RAD51B: variants seen among roughly 807,000 people sequenced by gnomAD.
The protein encoded by RAD51B is RAD51 paralog B.
A neutral mutation model predicts 42.2 loss-of-function variants in RAD51B; 38 were observed. The ratio of observed to expected loss-of-function variants is 0.90; its 90% CI spans 0.70 to 1.18. RAD51B has a LOEUF of 1.18. RAD51B is among the 50% of genes most tolerant of loss of function. RAD51B has a pLI of 0.00. For missense variants in RAD51B, 373 were observed against 400.7 expected, an observed-to-expected ratio of 0.93 and a Z score of 0.59; for synonymous variants, 154 against 145.2, an observed-to-expected ratio of 1.06 and a Z score of -0.43.
At chr14:68,248,520 T>A (rs751097673) in intron 7 of RAD51B, among the ~76,000 whole-genome samples, 3 of 152,168 alleles carry the variant, frequency 2.0e-5, no homozygotes, top group Non-Finnish European at 4.4e-5. Context: ...CTACTTTTAC[T>A]CTTCTAACAT....
chr14:67,921,620 C>CAA (rs1201431944), intron 7 of RAD51B, among the ~76,000 whole-genome samples: 3 of 128,664 alleles, frequency 2.3e-5, no homozygotes, highest in African/African-American at 8.6e-5. Context: ...CACACACACA[C>CAA]ACATTTTGTG....
downstream of RAD51B, among the ~76,000 whole-genome samples, chr14:68,598,620 C>T (rs1253350120): frequency 6.6e-6 from 1 of 152,146 alleles, no homozygotes; most frequent in Non-Finnish European, 1.5e-5. Flanking sequence ...TCTGAGTCCA[C>T]GGGCCCCTTC....
intron 7 of RAD51B, among the ~76,000 whole-genome samples, chr14:67,983,023 T>C (rs547180966): frequency 6.6e-4 from 101 of 152,244 alleles, no homozygotes; most frequent in Non-Finnish European, 1.2e-3. Context: ...TACCACATCA[T>C]TGCACTCTAG....
chr14:68,060,195 A>G (rs2076545772), intron 7 of RAD51B, among the ~76,000 whole-genome samples: 1 of 152,234 alleles, frequency 6.6e-6, no homozygotes, highest in Non-Finnish European at 1.5e-5. Context: ...TATAAAGCAT[A>G]TGCCAGATTA....
intron 7 of RAD51B, among the ~76,000 whole-genome samples, chr14:68,195,990 G>A (rs1461073915): frequency 4.0e-5 from 6 of 151,236 alleles, no homozygotes; most frequent in African/African-American, 1.5e-4. Flanking sequence ...TGGATCACGA[G>A]GTCAGGAGTT....
intron 7 of RAD51B, among the ~76,000 whole-genome samples, chr14:67,970,489 C>T (rs192950714): frequency 4.6e-3 from 702 of 151,144 alleles, no homozygotes; most frequent in Middle Eastern, 6.8e-3. Context: ...GTGGTCTTAC[C>T]TTTTAGTTGT....
chr14:68,071,927 A>G (rs1019792409), intron 7 of RAD51B, among the ~76,000 whole-genome samples: 8 of 150,218 alleles, frequency 5.3e-5, no homozygotes, highest in Admixed American at 2.0e-4. Context: ...TACCGATTCA[A>G]TTTTGGAACT....
At chr14:68,065,467 G>A (rs554812634) in intron 7 of RAD51B, among the ~76,000 whole-genome samples, 1 of 152,282 alleles carries the variant, frequency 6.6e-6, no homozygotes, top group South Asian at 2.1e-4. Context: ...CTTGGCTTGG[G>A]CACTGCTTCC....
intron 8 of RAD51B, among the ~76,000 whole-genome samples, chr14:68,320,578 C>A (rs1427031370): frequency 6.6e-6 from 1 of 152,254 alleles, no homozygotes; most frequent in Non-Finnish European, 1.5e-5. Flanking sequence ...TTGCCCCTCT[C>A]TTCCTCCTCC....
chr14:68,515,729 G>A (rs1399130672), intron 10 of RAD51B, among the ~76,000 whole-genome samples: 1 of 149,818 alleles, frequency 6.7e-6, no homozygotes, highest in Non-Finnish European at 1.5e-5. Flanking sequence ...TTACAGGTAT[G>A]AGCCACCCAG....
intron 7 of RAD51B, among the ~76,000 whole-genome samples, chr14:68,048,335 A>G (rs1457992819): frequency 6.6e-6 from 1 of 152,044 alleles, no homozygotes; most frequent in African/African-American, 2.4e-5. Flanking sequence ...TAGATTGTGG[A>G]TATTAGCCCT....
At chr14:68,067,931 CAAAAAAAAAAAAAAAA>C (rs913150528) in intron 7 of RAD51B, among the ~76,000 whole-genome samples, 6 of 24,690 alleles carry the variant, frequency 2.4e-4, no homozygotes, top group African/African-American at 3.3e-4. Flanking sequence ...GACTCCATCT[CAAAAAAAAAAAAAAAA>C]AAAAAAAAAA....
downstream of RAD51B, among the ~76,000 whole-genome samples, chr14:68,482,556 G>A (rs1360939023): frequency 6.6e-6 from 1 of 152,136 alleles, no homozygotes; most frequent in African/African-American, 2.4e-5. Flanking sequence ...CTAAAAACTG[G>A]TCTTGGAACC....
chr14:68,319,452 A>G (rs1297109696), intron 8 of RAD51B, among the ~76,000 whole-genome samples: 1 of 152,224 alleles, frequency 6.6e-6, no homozygotes, highest in African/African-American at 2.4e-5. Context: ...TTTTATGATT[A>G]TTGAAAATCA....
At chr14:68,414,545 A>G (rs1028089172) in intron 9 of RAD51B, among the ~76,000 whole-genome samples, 4 of 152,130 alleles carry the variant, frequency 2.6e-5, no homozygotes, top group African/African-American at 9.7e-5. Context: ...GAAGTAGAAG[A>G]CTAGTTCCTG....
chr14:68,074,031 AC>A (rs1235803679), intron 7 of RAD51B, among the ~76,000 whole-genome samples: 1 of 152,150 alleles, frequency 6.6e-6, no homozygotes, highest in Non-Finnish European at 1.5e-5. Context: ...ATAGTAGCTC[AC>A]GGCAGTTCTT....
chr14:68,432,057 G>A (rs1360487185), intron 9 of RAD51B, among the ~76,000 whole-genome samples: 12 of 152,108 alleles, frequency 7.9e-5, no homozygotes, highest in African/African-American at 2.7e-4. Flanking sequence ...GTAGTTGAGC[G>A]GTTTTGAGTG....
rs143868492 is a variant in RAD51B at position 68,656,735 on chromosome 14, C to G, written c.*11+5879C>G. Among the ~76,000 whole-genome samples, 725 of 152,268 alleles carry G rather than the reference C, an allele frequency of 4.8e-3. 6 individuals are homozygous for G. Among genetic ancestry groups the G allele is most frequent in the African/African-American group, 0.017 (696 of 41,548 alleles). ...CCAGGTCCCCCACCCCTGAGAGGACCAGCCAGGCCCCAATTTTTCACAGAC... is the reference window on the plus strand; with the variant it reads ...CCAGGTCCCCCACCCCTGAGAGGACGAGCCAGGCCCCAATTTTTCACAGAC... On this transcript the variant is annotated intron_variant, in intron 11 of 11. Transcript: ENST00000488612.
chr14:68,001,781 A>T (rs1342966951), intron 7 of RAD51B, among the ~76,000 whole-genome samples: 2 of 152,138 alleles, frequency 1.3e-5, no homozygotes, highest in African/African-American at 4.8e-5. Context: ...CCTACTTACA[A>T]GCGAGAACAT....
Sources: allele counts gnomAD v4.1 joint callset (sites outside exome capture counted in the v4.1 genomes callset), GRCh38; gene constraint gnomAD v4.1.1; transcripts MANE v1.5; gene names NCBI Gene and HGNC (gene_info 2026-07-23, HGNC 2026-07-21).